Variants in MAP2 observed in about 807,000 individuals in gnomAD.
MAP2 encodes the protein microtubule-associated protein 2.
MAP2 carries 14 observed loss-of-function variants against 137.6 expected under a neutral mutation model. That is an observed-to-expected ratio of 0.10 (90% confidence interval 0.07 to 0.16). The LOEUF (loss-of-function observed/expected upper bound fraction) is 0.16, where lower values mean the gene tolerates loss of function less well. MAP2 is among the 10% of genes least tolerant of loss of function. The pLI, the probability that MAP2 is intolerant of heterozygous loss-of-function variation, is 1.00. For missense variants in MAP2, 2,088 were observed against 2,191.5 expected (o/e 0.95, Z 0.94); for synonymous variants, 786 against 782.3 (o/e 1.00, Z -0.08).
At chr2:209,515,786 T>A (rs71420759) in intron 2 of MAP2, among the ~76,000 whole-genome samples, 3,641 of 152,212 alleles carry the variant, frequency 0.024, 56 homozygotes, top group South Asian at 0.07. Flanking sequence ...TTTTTATTTT[T>A]ATTTCATTTA....
rs966589753 is a variant in MAP2 at position 209,566,342 on chromosome 2, G to A, written c.-171-13694G>A. Among the ~76,000 whole-genome samples, 8 of 152,108 alleles carry A rather than the reference G, an allele frequency of 5.3e-5. No individual in the cohort carries two copies. The East Asian group carries it at 5.8e-4, about 11-fold the overall frequency. On this transcript the variant is annotated intron_variant, in intron 2 of 15. Coordinates refer to ENST00000682079, the MANE Select transcript of MAP2 (RefSeq NM_001375505.1). ...TTTATAAGGCTGTATTGGAAGGCAC[G>A]TGAAACTAAAATCTTCCTTGGAACA...
chr2:209,652,148 A>G (rs1431706388), intron 4 of MAP2, among the ~76,000 whole-genome samples: 1 of 152,170 alleles, frequency 6.6e-6, no homozygotes, highest in East Asian at 1.9e-4. Flanking sequence ...TTTCAATTAT[A>G]TATCTAAACT....
At position 209,442,673 on chromosome 2, in the gene MAP2, C is replaced by G. The variant is rs1698097642; in HGVS notation, c.-222+18397C>G. ...TGTATCTCCAGTTTGGGAATCTTCCCTGAGAGTCAGGCTCATATATCCAAC... is the reference window on the plus strand; with the variant it reads ...TGTATCTCCAGTTTGGGAATCTTCCGTGAGAGTCAGGCTCATATATCCAAC... On this transcript the variant is annotated intron_variant, in intron 1 of 15. Transcript: ENST00000682079. 2.6e-5 allele frequency among the ~76,000 whole-genome samples: 4 copies of G among 151,568 alleles called. No individual in the cohort carries two copies. The Admixed American group carries it at 2.6e-4, about 10-fold the overall frequency.
At chr2:209,629,673 G>T (rs2092776811) in intron 4 of MAP2, among the ~76,000 whole-genome samples, 1 of 152,110 alleles carries the variant, frequency 6.6e-6, no homozygotes, top group Non-Finnish European at 1.5e-5. Context: ...ATCCTATTCT[G>T]TACTCTCAGC....
intron 4 of MAP2, among the ~76,000 whole-genome samples, chr2:209,631,034 A>AAAAAAG (rs1559446576): frequency 4.0e-5 from 4 of 100,698 alleles, no homozygotes; most frequent in African/African-American, 1.9e-4. Context: ...AAAAAAAAAA[A>AAAAAAG]AGAGAGAGAG....
chr2:209,654,869 T>C (rs1355109931), intron 5 of MAP2, among the ~76,000 whole-genome samples: 6 of 152,146 alleles, frequency 3.9e-5, no homozygotes, highest in Non-Finnish European at 8.8e-5. Flanking sequence ...AATGAATAAA[T>C]TCAAAAAGAA....
chr2:209,693,556 C>T lies in MAP2; in HGVS notation c.1386C>T (p.Pro462=). ...AAGCTGTGCCAAAAGAGAGTAAACCCCCAAAACCTGCAGATGAAGAAATAG... is the reference window on the plus strand; with the variant it reads ...AAGCTGTGCCAAAAGAGAGTAAACCTCCAAAACCTGCAGATGAAGAAATAG... The part of the protein sequence containing the change: ...DKEAVPKESK[P]PKPADEEIGI... The change falls in exon 8 of 16, where the codon CCC becomes CCT. Residue 462 remains proline (P), a synonymous_variant. Coordinates refer to ENST00000682079, the MANE Select transcript of MAP2 (RefSeq NM_001375505.1). The T allele has an allele frequency of 1.2e-6, 2 of 1,612,496 alleles. No homozygotes were observed. The highest frequency in any genetic ancestry group is 3.4e-5 in the Admixed American group (2 of 59,698).
chr2:209,595,196 AGGTTTGGC>A (rs143638941), intron 3 of MAP2, among the ~76,000 whole-genome samples: 9,093 of 152,270 alleles, frequency 0.06, 638 homozygotes, highest in South Asian at 0.23. Context: ...TGTGAAATTT[AGGTTTGGC>A]GGTTTGGCGT....
intron 2 of MAP2, among the ~76,000 whole-genome samples, chr2:209,521,756 C>T (rs1287002142): frequency 3.3e-5 from 5 of 152,014 alleles, no homozygotes; most frequent in Non-Finnish European, 4.4e-5. Context: ...TGATCAATAA[C>T]ACATTATATG....
intron 5 of MAP2, among the ~76,000 whole-genome samples, chr2:209,658,547 C>T (rs2041961255): frequency 6.6e-6 from 1 of 151,846 alleles, no homozygotes; most frequent in Non-Finnish European, 1.5e-5. Flanking sequence ...GCTCTTGTCT[C>T]CCAGGCTGGA....
chr2:209,584,564 A>G (rs1204384989), intron 3 of MAP2, among the ~76,000 whole-genome samples: 2 of 152,104 alleles, frequency 1.3e-5, no homozygotes, highest in Non-Finnish European at 2.9e-5. Flanking sequence ...GTGGGAAGCT[A>G]TTGACTAGTT....
intron 1 of MAP2, among the ~76,000 whole-genome samples, chr2:209,483,322 A>G (rs2149855165): frequency 6.6e-6 from 1 of 152,324 alleles, no homozygotes. Context: ...TGTTTATTTT[A>G]TTACTGATAC....
intron 4 of MAP2, among the ~76,000 whole-genome samples, chr2:209,639,210 A>C (rs1480859087): frequency 6.6e-6 from 1 of 152,128 alleles, no homozygotes. Flanking sequence ...TCTGGACATC[A>C]TATGTGACTG....
chr2:209,622,384 C>T (rs960762397), intron 3 of MAP2, among the ~76,000 whole-genome samples: 5 of 152,168 alleles, frequency 3.3e-5, no homozygotes, highest in African/African-American at 9.7e-5. Flanking sequence ...TGGTATGTAG[C>T]TAAAAGATTT....
At chr2:209,661,289 T>C (rs185832803) in intron 5 of MAP2, among the ~76,000 whole-genome samples, 87 of 152,334 alleles carry the variant, frequency 5.7e-4, no homozygotes, top group African/African-American at 2.0e-3. Flanking sequence ...TATATTAATT[T>C]ATGCGGAGCA....
intron 2 of MAP2, among the ~76,000 whole-genome samples, chr2:209,516,365 C>T (rs957787077): frequency 6.6e-6 from 1 of 151,934 alleles, no homozygotes; most frequent in African/African-American, 2.4e-5. Context: ...AAAACTATTG[C>T]CTTCTATTAG....
Position 209,599,328 on chromosome 2 carries a change from A to T in MAP2, c.-107+19228A>T, listed in dbSNP as rs573357274. ...TTTTCTTGTAAATTTGTTTGAGTTCATTGTAGATTCTGGATATTAGCCCTT... is the reference window on the plus strand; with the variant it reads ...TTTTCTTGTAAATTTGTTTGAGTTCTTTGTAGATTCTGGATATTAGCCCTT... On this transcript the variant is annotated intron_variant, in intron 3 of 15. Transcript: ENST00000682079. 9.2e-5 allele frequency among the ~76,000 whole-genome samples: 14 copies of T among 151,704 alleles called. No homozygotes were observed. In the East Asian group the frequency reaches 2.7e-3, roughly 30 times the overall value.
intron 1 of MAP2, among the ~76,000 whole-genome samples, chr2:209,470,911 A>T (rs533443321): frequency 6.6e-6 from 1 of 152,178 alleles, no homozygotes; most frequent in Non-Finnish European, 1.5e-5. Context: ...TGATTTTCCC[A>T]TATCTCCTGA....
intron 3 of MAP2, among the ~76,000 whole-genome samples, chr2:209,583,182 T>TATCTA (rs1355800030): frequency 6.6e-6 from 1 of 151,908 alleles, no homozygotes; most frequent in African/African-American, 2.4e-5. Flanking sequence ...TCTATCTATC[T>TATCTA]ATCTGTCTAT....
Sources: allele counts gnomAD v4.1 joint callset (sites outside exome capture counted in the v4.1 genomes callset), GRCh38; gene constraint gnomAD v4.1.1; transcripts MANE v1.5; gene names NCBI Gene and HGNC (gene_info 2026-07-23, HGNC 2026-07-21).